Variants in CHST9 observed in about 807,000 individuals in gnomAD.
CHST9 encodes GalNAc-4-sulfotransferase 2.
Under a neutral mutation model 44.4 loss-of-function variants are expected in CHST9, and 41 were observed. The ratio of observed to expected loss-of-function variants is 0.92; its 90% CI spans 0.72 to 1.20. The LOEUF is 1.20. CHST9 is among the 50% of genes most tolerant of loss of function. The pLI, the probability that CHST9 is intolerant of heterozygous loss-of-function variation, is 0.00. For missense variants in CHST9, 504 were observed against 516.5 expected (o/e 0.98, Z 0.23); for synonymous variants, 171 against 178.4 (o/e 0.96, Z 0.33).
intron 4 of CHST9, among the ~76,000 whole-genome samples, chr18:26,962,302 T>A (rs542331290): frequency 6.6e-6 from 1 of 151,630 alleles, no homozygotes; most frequent in South Asian, 2.1e-4. Flanking sequence ...CCTTTTTTTT[T>A]TTTTTTGAGA....
At chr18:27,112,200 G>A (rs906795773) in intron 2 of CHST9, among the ~76,000 whole-genome samples, 1 of 150,212 alleles carries the variant, frequency 6.7e-6, no homozygotes, top group African/African-American at 2.4e-5. Context: ...ATTGGCTCAT[G>A]TTATTATGAA....
At chr18:26,932,340 T>C (rs2055893456) in intron 5 of CHST9, among the ~76,000 whole-genome samples, 1 of 152,236 alleles carries the variant, frequency 6.6e-6, no homozygotes, top group African/African-American at 2.4e-5. Context: ...CTTATCTTCA[T>C]GGGATCTTTA....
intron 2 of CHST9, among the ~76,000 whole-genome samples, chr18:27,087,094 A>G (rs1045252580): frequency 6.6e-6 from 1 of 152,180 alleles, no homozygotes; most frequent in African/African-American, 2.4e-5. Context: ...AGGGGCTCCT[A>G]TGTTTTCTAC....
intron 4 of CHST9, among the ~76,000 whole-genome samples, chr18:26,957,489 A>G (rs771734230): frequency 6.6e-6 from 1 of 151,540 alleles, no homozygotes; most frequent in Non-Finnish European, 1.5e-5. Context: ...AGAAATAGGA[A>G]TTTTTAGCTG....
intron 1 of CHST9, among the ~76,000 whole-genome samples, chr18:27,143,647 C>T (rs928492581): frequency 2.0e-5 from 3 of 151,404 alleles, no homozygotes; most frequent in Non-Finnish European, 4.4e-5. Flanking sequence ...AAATGTGAGC[C>T]CTCTCTTTAG....
At chr18:27,048,229 A>G (rs982119150) in intron 3 of CHST9, among the ~76,000 whole-genome samples, 2 of 152,216 alleles carry the variant, frequency 1.3e-5, no homozygotes, top group Non-Finnish European at 2.9e-5. Flanking sequence ...GAAAAAATTA[A>G]GCAACATTCC....
chr18:26,949,295 A>G (rs1785534), intron 4 of CHST9, among the ~76,000 whole-genome samples: 2 of 152,196 alleles, frequency 1.3e-5, no homozygotes, highest in African/African-American at 4.8e-5. Context: ...GCAAGAAGCA[A>G]GGACAACACT....
At chr18:27,031,364 C>T (rs1208754147) in intron 3 of CHST9, among the ~76,000 whole-genome samples, 2 of 152,152 alleles carry the variant, frequency 1.3e-5, no homozygotes, top group Non-Finnish European at 2.9e-5. Context: ...CCTGCCATTC[C>T]GGCATGCAGC....
chr18:27,139,759 C>T (rs2058549420), intron 2 of CHST9, among the ~76,000 whole-genome samples: 2 of 152,068 alleles, frequency 1.3e-5, no homozygotes, highest in African/African-American at 4.8e-5. Context: ...ATCAAAATTA[C>T]AAATAAAATT....
intron 4 of CHST9, among the ~76,000 whole-genome samples, chr18:26,948,218 A>C (rs1020213139): frequency 3.3e-5 from 5 of 152,222 alleles, no homozygotes; most frequent in Non-Finnish European, 7.4e-5. Flanking sequence ...GGGCACAGGG[A>C]GGGGAACATC....
At chr18:27,067,698 T>C (rs914569634) in intron 2 of CHST9, among the ~76,000 whole-genome samples, 4 of 152,146 alleles carry the variant, frequency 2.6e-5, no homozygotes, top group Admixed American at 2.0e-4. Flanking sequence ...GTGGTTACTG[T>C]GAGTTTTAGA....
At chr18:27,086,354 TGG>T (rs2058012476) in intron 2 of CHST9, among the ~76,000 whole-genome samples, 2 of 152,222 alleles carry the variant, frequency 1.3e-5, no homozygotes, top group Admixed American at 6.5e-5. Flanking sequence ...ACTAAAAATT[TGG>T]TGAGTTGGCC....
chr18:26,946,341 G>C (rs1321995845), intron 4 of CHST9, among the ~76,000 whole-genome samples: 1 of 152,182 alleles, frequency 6.6e-6, no homozygotes, highest in Non-Finnish European at 1.5e-5. Flanking sequence ...CAGGCAGAAG[G>C]AAGAACATGA....
intron 4 of CHST9, among the ~76,000 whole-genome samples, chr18:26,995,132 C>T (rs1187338123): frequency 2.0e-5 from 3 of 151,518 alleles, no homozygotes; most frequent in Non-Finnish European, 4.4e-5. Context: ...AAGTAGCAAC[C>T]CTTAAGATGA....
intron 4 of CHST9, among the ~76,000 whole-genome samples, chr18:26,949,294 A>G (rs186853900): frequency 5.9e-5 from 9 of 152,330 alleles, no homozygotes; most frequent in African/African-American, 2.2e-4. Context: ...AGCAAGAAGC[A>G]AGGACAACAC....
intron 2 of CHST9, among the ~76,000 whole-genome samples, chr18:27,051,569 A>G (rs1598673538): frequency 6.6e-6 from 1 of 152,162 alleles, no homozygotes; most frequent in African/African-American, 2.4e-5. Flanking sequence ...GTCAACTGCC[A>G]ATGAGGAACA....
Position 26,993,788 on chromosome 18 carries a change from G to A in CHST9, c.202+30328C>T, listed in dbSNP as rs570039805. ...ACTGTGAACTGAGATTGCACAGAGA[G>A]ATTCTGATCATAAAATAACAAGTTG... On this transcript the variant is annotated intron_variant, in intron 4 of 5. Transcript: ENST00000618847. 2.8e-4 allele frequency among the ~76,000 whole-genome samples: 42 copies of A among 152,346 alleles called. No homozygotes were observed. In the South Asian group the frequency reaches 8.5e-3, roughly 31 times the overall value.
rs147021301 is a variant in CHST9 at position 26,920,638 on chromosome 18, T to A, written c.241-3288A>T. ...ATAATTCTTGAATAAGTAAATGTGC[T>A]TCTAATTTAATAGTGGTCTTCTAAA... On this transcript the variant is annotated intron_variant, in intron 5 of 5. Transcript: ENST00000618847. 4.7e-4 allele frequency among the ~76,000 whole-genome samples: 72 copies of A among 152,350 alleles called. No homozygotes were observed. In the East Asian group the frequency reaches 0.013, roughly 27 times the overall value.
chr18:27,034,510 C>T (rs2057371591), intron 3 of CHST9, among the ~76,000 whole-genome samples: 1 of 152,052 alleles, frequency 6.6e-6, no homozygotes, highest in African/African-American at 2.4e-5. Context: ...TTATTTTTTT[C>T]TCAATGCAAT....
Sources: allele counts gnomAD v4.1 joint callset (sites outside exome capture counted in the v4.1 genomes callset), GRCh38; gene constraint gnomAD v4.1.1; transcripts MANE v1.5; gene names NCBI Gene and HGNC (gene_info 2026-07-23, HGNC 2026-07-21).